Variants in HEMK2 observed in about 807,000 individuals in gnomAD.
HEMK2 encodes the protein methyltransferase HEMK2.
chr21:28,732,820 C>T, the HEMK2 span, among the ~76,000 whole-genome samples: 2 of 152,160 alleles, frequency 1.3e-5, no homozygotes, highest in East Asian at 1.9e-4. Flanking sequence ...AGTCTCAGAC[C>T]TGACCATTAT....
the HEMK2 span, among the ~76,000 whole-genome samples, chr21:28,722,658 G>A: frequency 2.0e-5 from 3 of 152,314 alleles, no homozygotes; most frequent in South Asian, 6.2e-4. Context: ...GAGGCAGGCG[G>A]ATGACCTGAG....
At chr21:28,879,443 T>A in the HEMK2 span, among the ~76,000 whole-genome samples, 1 of 152,216 alleles carries the variant, frequency 6.6e-6, no homozygotes. Context: ...GGTTTCACCA[T>A]GTTGGCCAGG....
chr21:28,831,550 GGAAA>G, the HEMK2 span, among the ~76,000 whole-genome samples: 29 of 66,108 alleles, frequency 4.4e-4, no homozygotes, highest in Non-Finnish European at 6.9e-4. Flanking sequence ...AAGGAAAGAA[GGAAA>G]GAAGGAAAGA....
chr21:28,797,433 C>T, the HEMK2 span, among the ~76,000 whole-genome samples: 6 of 127,510 alleles, frequency 4.7e-5, no homozygotes, highest in East Asian at 1.3e-3. Context: ...CTGTCTCTAC[C>T]AAAAAAAACA....
At chr21:28,854,279 A>G in the HEMK2 span, among the ~76,000 whole-genome samples, 1 of 152,180 alleles carries the variant, frequency 6.6e-6, no homozygotes, top group Non-Finnish European at 1.5e-5. Context: ...CTTTCTATAC[A>G]GTTCATGCCA....
At chr21:28,781,112 C>T in the HEMK2 span, among the ~76,000 whole-genome samples, 1 of 152,004 alleles carries the variant, frequency 6.6e-6, no homozygotes, top group Non-Finnish European at 1.5e-5. Context: ...TTTTCAAAGC[C>T]TCTATCTCAA....
the HEMK2 span, chr21:28,674,875 C>T: frequency 6.6e-6 from 1 of 152,198 alleles, no homozygotes; most frequent in African/African-American, 2.4e-5. Context: ...TCGCTTCAAC[C>T]TCTTTTATAA....
At chr21:28,755,822 G>A in the HEMK2 span, among the ~76,000 whole-genome samples, 7 of 152,172 alleles carry the variant, frequency 4.6e-5, no homozygotes, top group African/African-American at 1.4e-4. Flanking sequence ...GAACAGGACT[G>A]GTCAATCTAC....
the HEMK2 span, among the ~76,000 whole-genome samples, chr21:28,687,496 GA>G: frequency 6.6e-6 from 1 of 151,912 alleles, no homozygotes; most frequent in Non-Finnish European, 1.5e-5. Flanking sequence ...TGTTTTTAAA[GA>G]AAAAAAGAGA....
the HEMK2 span, among the ~76,000 whole-genome samples, chr21:28,707,018 AG>A: frequency 6.6e-6 from 1 of 152,316 alleles, no homozygotes; most frequent in South Asian, 2.1e-4. Context: ...AAAGTCTAGC[AG>A]TTCTCAAACT....
At chr21:28,580,098 T>C in the HEMK2 span, among the ~76,000 whole-genome samples, 3 of 152,034 alleles carry the variant, frequency 2.0e-5, no homozygotes, top group Non-Finnish European at 4.4e-5. Flanking sequence ...CACCATCAAT[T>C]TCTGAATATA....
chr21:28,592,302 C>T, the HEMK2 span, among the ~76,000 whole-genome samples: 58,601 of 151,914 alleles, frequency 0.39, 11,715 homozygotes, highest in Middle Eastern at 0.48. Context: ...TCATGATCAG[C>T]GATGTTGAGG....
chr21:28,759,500 T>C, the HEMK2 span, among the ~76,000 whole-genome samples: 1 of 152,168 alleles, frequency 6.6e-6, no homozygotes, highest in Non-Finnish European at 1.5e-5. Context: ...CTGTGGACTT[T>C]TGAGTTAATG....
At chr21:28,807,908 T>C in the HEMK2 span, among the ~76,000 whole-genome samples, 2 of 152,182 alleles carry the variant, frequency 1.3e-5, no homozygotes, top group African/African-American at 4.8e-5. Flanking sequence ...AGTCTTTCTG[T>C]GTTCTTAATT....
At chr21:28,849,262 T>G in the HEMK2 span, among the ~76,000 whole-genome samples, 4 of 151,922 alleles carry the variant, frequency 2.6e-5, no homozygotes, top group Non-Finnish European at 5.9e-5. Flanking sequence ...CCTGGTATCT[T>G]CCAGCAAAGA....
At chr21:28,683,971 T>C in the HEMK2 span, among the ~76,000 whole-genome samples, 5 of 152,244 alleles carry the variant, frequency 3.3e-5, no homozygotes, top group African/African-American at 9.6e-5. Context: ...ATTTATTTTC[T>C]ATGTGGCACT....
the HEMK2 span, among the ~76,000 whole-genome samples, chr21:28,608,998 A>G: frequency 6.6e-6 from 1 of 152,224 alleles, no homozygotes; most frequent in Non-Finnish European, 1.5e-5. Flanking sequence ...GACAAAGGAC[A>G]TAATCTCTTG....
chr21:28,680,109 G>A, the HEMK2 span, among the ~76,000 whole-genome samples: 1 of 152,284 alleles, frequency 6.6e-6, no homozygotes, highest in Admixed American at 6.5e-5. Flanking sequence ...AATGAATCCA[G>A]GAGCTGGTTT....
At chr21:28,579,265 G>T in the HEMK2 span, among the ~76,000 whole-genome samples, 2 of 152,002 alleles carry the variant, frequency 1.3e-5, no homozygotes, top group Non-Finnish European at 2.9e-5. Context: ...AACCAATTTT[G>T]AATCATACAG....
Sources: gnomAD v4.1 joint callset for allele counts (sites outside exome capture counted in the v4.1 genomes callset) on GRCh38, gnomAD v4.1.1 for gene constraint, MANE v1.5 for transcripts, NCBI Gene and HGNC (gene_info 2026-07-23, HGNC 2026-07-21) for gene names.